The following RAB40B variants were observed in gnomAD, a reference collection of about 807,000 sequenced individuals.
The protein encoded by RAB40B is ras-related protein Rab-40B.
A neutral mutation model predicts 24.0 loss-of-function variants in RAB40B; 21 were observed. That is an observed-to-expected ratio of 0.88 (90% CI 0.62 to 1.26). The LOEUF is 1.26. Among genes scored for constraint, RAB40B ranks in the 50% most tolerant of loss-of-function variants. RAB40B has a pLI of 0.00. For missense variants in RAB40B, 348 were observed against 390.5 expected (o/e 0.89, Z 0.92); for synonymous variants, 167 against 169.8 (o/e 0.98, Z 0.13).
intron 2 of RAB40B, chr17:82,661,814 C>T (rs752578342): frequency 1.9e-4 from 123 of 635,642 alleles, no homozygotes; most frequent in Non-Finnish European, 2.2e-4. Flanking sequence ...TTGAGCCCGG[C>T]AGGCGGAGGT....
intron 1 of RAB40B, among the ~76,000 whole-genome samples, chr17:82,686,574 T>C (rs2046504370): frequency 6.6e-6 from 1 of 152,166 alleles, no homozygotes; most frequent in South Asian, 2.1e-4. Context: ...GGAACGGTGC[T>C]GCCACAGGCC....
In RAB40B at chr17:82,667,792, G is replaced by A. The variant is rs1321464114; in HGVS notation, c.143-3236C>T. ...AGCACCCGCTTTGCAGACGCCACCT[G>A]CCCCGTGATGAGGCTCAGACAGAGC... On this transcript the variant is annotated intron_variant, in intron 1 of 5. Coordinates refer to ENST00000571995, the MANE Select transcript of RAB40B (RefSeq NM_006822.3). The surrounding 1 kb of genome is among the most constrained non-coding windows in gnomAD (Gnocchi z 4.3). Among the ~76,000 whole-genome samples, 1 of 152,142 alleles carries A rather than the reference G, an allele frequency of 6.6e-6. No individual in the cohort carries two copies. Among genetic ancestry groups the A allele is most frequent in the Non-Finnish European group, 1.5e-5 (1 of 68,014 alleles).
intron 1 of RAB40B, among the ~76,000 whole-genome samples, chr17:82,671,283 TACTC>T (rs1412588383): frequency 4.6e-5 from 7 of 151,012 alleles, no homozygotes; most frequent in Non-Finnish European, 8.8e-5. Flanking sequence ...ACACATCCTG[TACTC>T]ACTGACACAC....
intron 1 of RAB40B, among the ~76,000 whole-genome samples, chr17:82,688,519 G>A (rs1423414541): frequency 2.6e-5 from 4 of 152,164 alleles, no homozygotes; most frequent in Admixed American, 6.5e-5. Flanking sequence ...GGAGGCTTGA[G>A]GCAGGAGAAG....
At chr17:82,662,034 G>A (rs1284409142) in intron 2 of RAB40B, 5 of 985,360 alleles carry the variant, frequency 5.1e-6, no homozygotes, top group South Asian at 9.4e-5. Flanking sequence ...ACATCAATGG[G>A]AGATTCCCCA....
intron 1 of RAB40B, among the ~76,000 whole-genome samples, chr17:82,688,904 A>G (rs993328266): frequency 6.6e-6 from 1 of 152,260 alleles, no homozygotes; most frequent in African/African-American, 2.4e-5. Flanking sequence ...ACTGCACTCC[A>G]GCCTGAGCAA....
At chr17:82,687,024 G>A (rs1011648001) in intron 1 of RAB40B, among the ~76,000 whole-genome samples, 3 of 152,148 alleles carry the variant, frequency 2.0e-5, no homozygotes, top group Admixed American at 6.5e-5. Context: ...GTCCAGTGCT[G>A]GGGGGAAGGG....
intron 1 of RAB40B, among the ~76,000 whole-genome samples, chr17:82,669,410 G>T (rs1451667393): frequency 4.0e-5 from 6 of 151,208 alleles, no homozygotes; most frequent in African/African-American, 1.5e-4. Flanking sequence ...GGGAGGTGGA[G>T]GTTGTGGTGA....
intron 1 of RAB40B, among the ~76,000 whole-genome samples, chr17:82,674,398 A>G (rs1451174567): frequency 6.7e-6 from 1 of 148,922 alleles, no homozygotes; most frequent in African/African-American, 2.5e-5. Flanking sequence ...TTGGGAGGCC[A>G]AGGTGGGCGG....
chr17:82,657,535 A>G lies in RAB40B; in HGVS notation c.*328T>C. 2.4e-6 allele frequency: 1 copy of G among 416,142 alleles called. No individual in the cohort carries two copies. Among genetic ancestry groups the G allele is most frequent in the Non-Finnish European group, 4.6e-6 (1 of 219,532 alleles). The allele number at this position is 416,142 out of a possible 1,614,324, so 25.8% of individuals were successfully genotyped here. A position where few individuals can be genotyped will look rare whatever the true frequency, so the allele number is the denominator to read the frequency against. ...AATTTATACTAATCACTCCAATATCACCGTTCTTACAAAAGCAGTTATTTT... is the reference window on the plus strand; with the variant it reads ...AATTTATACTAATCACTCCAATATCGCCGTTCTTACAAAAGCAGTTATTTT... On this transcript the variant is annotated 3_prime_UTR_variant, in exon 6 of 6. Coordinates refer to ENST00000571995, the MANE Select transcript of RAB40B (RefSeq NM_006822.3).
At chr17:82,659,159 G>T (rs989725140) in intron 4 of RAB40B, 2 of 247,952 alleles carry the variant, frequency 8.1e-6, no homozygotes, top group Non-Finnish European at 1.6e-5. Context: ...GTGGTCGTCG[G>T]TTCTAGCAGC....
intron 1 of RAB40B, among the ~76,000 whole-genome samples, chr17:82,682,385 T>C (rs1009697771): frequency 1.3e-5 from 2 of 152,156 alleles, no homozygotes; most frequent in Non-Finnish European, 2.9e-5. Flanking sequence ...TATTAAAAGC[T>C]ACAAACCACT....
intron 4 of RAB40B, chr17:82,659,295 G>A (rs191272414): frequency 3.9e-4 from 173 of 442,308 alleles, no homozygotes; most frequent in African/African-American, 3.2e-3. Flanking sequence ...GACCACAGCA[G>A]GGAGTGAAGC....
At chr17:82,677,161 C>T (rs1467941411) in intron 1 of RAB40B, among the ~76,000 whole-genome samples, 1 of 151,646 alleles carries the variant, frequency 6.6e-6, no homozygotes, top group Non-Finnish European at 1.5e-5. Flanking sequence ...GTTGGTCAGG[C>T]TGGTCTCGAA....
intron 2 of RAB40B, 66 bp downstream of exon 2, chr17:82,664,430 G>T: frequency 2.0e-6 from 3 of 1,517,020 alleles, no homozygotes; most frequent in Non-Finnish European, 2.7e-6. Context: ...CTGACAGGGG[G>T]TGCTATGCCA....
chr17:82,673,159 G>A (rs1336339371), intron 1 of RAB40B, among the ~76,000 whole-genome samples: 2 of 152,060 alleles, frequency 1.3e-5, no homozygotes, highest in African/African-American at 2.4e-5. Flanking sequence ...AGCTGAGATC[G>A]TGCAACTGCA....
Position 82,658,558 on chromosome 17 carries a change from C to G in RAB40B, c.498G>C (p.Ser166=). 1 of 1,613,452 alleles carries G rather than the reference C, an allele frequency of 6.2e-7. No homozygotes were observed. The highest frequency in any genetic ancestry group is 2.2e-5 in the East Asian group (1 of 44,868). The change falls in exon 5 of 6, where the codon TCG becomes TCC. Residue 166 remains serine (S), a synonymous_variant. Coordinates refer to ENST00000571995, the MANE Select transcript of RAB40B (RefSeq NM_006822.3). The part of the protein sequence containing the change: ...SPLCNFNITE[S]FTELARIVLL... ...GCACGATCCTGGCCAGCTCCGTGAACGACTCTGTGATGTTGAAATTGCACA... is the reference window on the plus strand; with the variant it reads ...GCACGATCCTGGCCAGCTCCGTGAAGGACTCTGTGATGTTGAAATTGCACA...
intron 1 of RAB40B, among the ~76,000 whole-genome samples, chr17:82,674,912 G>A (rs966034588): frequency 2.0e-5 from 3 of 152,088 alleles, no homozygotes; most frequent in Non-Finnish European, 2.9e-5. Context: ...TGACGGCATC[G>A]TTCAGGCACC....
intron 2 of RAB40B, among the ~76,000 whole-genome samples, chr17:82,664,002 T>TC (rs1200688049): frequency 3.8e-5 from 5 of 132,032 alleles, no homozygotes; most frequent in East Asian, 2.5e-4. Flanking sequence ...GGGAGGGTGT[T>TC]CCCGGGGGCG....
Sources: gnomAD v4.1 joint callset for allele counts (sites outside exome capture counted in the v4.1 genomes callset) on GRCh38, gnomAD v4.1.1 for gene constraint, Gnocchi (gnomAD v3.1) non-coding constraint, MANE v1.5 for transcripts, NCBI Gene and HGNC (gene_info 2026-07-23, HGNC 2026-07-21) for gene names.